TBC1D5: variants seen among roughly 807,000 people sequenced by gnomAD.
The protein encoded by TBC1D5 is TBC1 domain family, member 5.
Under a neutral mutation model 100.3 loss-of-function variants are expected in TBC1D5, and 75 were observed. That is an observed-to-expected ratio of 0.75 (90% confidence interval 0.62 to 0.91). TBC1D5 has a LOEUF of 0.91. Ranked by LOEUF, TBC1D5 falls within the 40% of genes least tolerant of loss-of-function variation. The pLI, the probability that TBC1D5 is intolerant of heterozygous loss-of-function variation, is 0.00. For synonymous variants in TBC1D5, 323 were observed against 325.6 expected (o/e 0.99, Z 0.09); for missense variants, 910 against 942.4 (o/e 0.97, Z 0.45).
chr3:17,738,857 A>G (rs1208058536), intron 1 of TBC1D5, among the ~76,000 whole-genome samples: 2 of 152,212 alleles, frequency 1.3e-5, no homozygotes, highest in Non-Finnish European at 2.9e-5. Flanking sequence ...CAATTTATAT[A>G]ATGTTTAATG....
intron 17 of TBC1D5, among the ~76,000 whole-genome samples, chr3:17,223,850 G>A (rs1306068417): frequency 1.3e-5 from 2 of 151,864 alleles, no homozygotes; most frequent in African/African-American, 2.4e-5. Flanking sequence ...AGCTGAGATC[G>A]CACCACTGCC....
chr3:17,161,352 G>C (rs1488245103), intron 21 of TBC1D5, 96 bp from the exon 23 acceptor site: 40 of 1,369,658 alleles, frequency 2.9e-5, no homozygotes, highest in Non-Finnish European at 3.6e-5. Context: ...GTGGTGGAAA[G>C]CTAGGCCACC....
intron 13 of TBC1D5, among the ~76,000 whole-genome samples, chr3:17,317,741 A>G (rs183393281): frequency 1.4e-4 from 21 of 152,336 alleles, no homozygotes; most frequent in African/African-American, 3.6e-4. Context: ...CCATGCATTT[A>G]TATCAATTTT....
intron 13 of TBC1D5, among the ~76,000 whole-genome samples, chr3:17,352,267 AACTT>A (rs2090697976): frequency 6.6e-6 from 1 of 152,068 alleles, no homozygotes; most frequent in Admixed American, 6.6e-5. Flanking sequence ...AGCTGAGAGA[AACTT>A]AGTCTTTAAA....
intron 3 of TBC1D5, among the ~76,000 whole-genome samples, chr3:17,475,375 C>T (rs1055651541): frequency 6.6e-6 from 1 of 151,914 alleles, no homozygotes; most frequent in Admixed American, 6.6e-5. Context: ...CCCACTCACC[C>T]CCTCCAAATT....
chr3:17,529,590 G>A (rs1576533820), intron 2 of TBC1D5, among the ~76,000 whole-genome samples: 1 of 152,098 alleles, frequency 6.6e-6, no homozygotes, highest in African/African-American at 2.4e-5. Flanking sequence ...CTGAATTCAT[G>A]AGGACAAGGA....
intron 18 of TBC1D5, among the ~76,000 whole-genome samples, chr3:17,211,620 G>A (rs908264601): frequency 6.6e-6 from 1 of 152,182 alleles, no homozygotes; most frequent in Non-Finnish European, 1.5e-5. Flanking sequence ...TACAATGTAA[G>A]TCAAGCTGCT....
At chr3:17,358,258 C>T (rs532507552) in intron 13 of TBC1D5, among the ~76,000 whole-genome samples, 99 of 152,216 alleles carry the variant, frequency 6.5e-4, no homozygotes, top group African/African-American at 2.3e-3. Context: ...GATCTCGGCT[C>T]ACCACAACCT....
At chr3:17,300,832 G>A (rs1425992581) in intron 14 of TBC1D5, among the ~76,000 whole-genome samples, 1 of 152,116 alleles carries the variant, frequency 6.6e-6, no homozygotes, top group East Asian at 1.9e-4. Flanking sequence ...AGCACTTCGG[G>A]AGGCTGAGGT....
At chr3:17,284,397 G>A (rs283921) in intron 15 of TBC1D5, among the ~76,000 whole-genome samples, 63,625 of 151,982 alleles carry the variant, frequency 0.42, 14,039 homozygotes, top group Middle Eastern at 0.5. Flanking sequence ...GATTACAGGC[G>A]TGAGCCACCA....
chr3:17,496,130 A>T (rs1447475528), intron 3 of TBC1D5, among the ~76,000 whole-genome samples: 2 of 152,178 alleles, frequency 1.3e-5, no homozygotes, highest in Non-Finnish European at 2.9e-5. Flanking sequence ...TTTCTTTTTT[A>T]AGGAGCCAAG....
intron 4 of TBC1D5, among the ~76,000 whole-genome samples, chr3:17,410,933 G>C (rs967128827): frequency 1.3e-5 from 2 of 152,194 alleles, no homozygotes; most frequent in African/African-American, 4.8e-5. Flanking sequence ...AGCAGCTGCA[G>C]GGTTTGAGAA....
intron 2 of TBC1D5, among the ~76,000 whole-genome samples, chr3:17,532,403 T>C (rs2153386458): frequency 6.6e-6 from 1 of 152,268 alleles, no homozygotes; most frequent in Middle Eastern, 3.4e-3. Flanking sequence ...GTAAACTAGT[T>C]CAACCATTGT....
chr3:17,183,121 A>T (rs951537779), intron 19 of TBC1D5, among the ~76,000 whole-genome samples: 3 of 152,134 alleles, frequency 2.0e-5, no homozygotes, highest in Non-Finnish European at 4.4e-5. Context: ...CCCCAACTGG[A>T]GAGTATCTCA....
intron 9 of TBC1D5, among the ~76,000 whole-genome samples, chr3:17,379,902 T>A (rs1224347530): frequency 6.6e-6 from 1 of 152,042 alleles, no homozygotes; most frequent in Non-Finnish European, 1.5e-5. Flanking sequence ...CAAAATATCT[T>A]ATTGTACCAT....
At chr3:17,275,261 G>A (rs1186463451) in intron 15 of TBC1D5, among the ~76,000 whole-genome samples, 1 of 152,178 alleles carries the variant, frequency 6.6e-6, no homozygotes, top group Non-Finnish European at 1.5e-5. Context: ...ATCTGGGTGG[G>A]CTGGGTATGG....
At chr3:17,215,054 A>G (rs928738597) in intron 17 of TBC1D5, among the ~76,000 whole-genome samples, 13 of 152,032 alleles carry the variant, frequency 8.6e-5, no homozygotes, top group African/African-American at 3.1e-4. Flanking sequence ...GGATCAGAAC[A>G]GGTAGGGATT....
intron 3 of TBC1D5, among the ~76,000 whole-genome samples, chr3:17,480,540 G>A (rs1021887110): frequency 2.6e-5 from 4 of 152,184 alleles, no homozygotes; most frequent in African/African-American, 9.7e-5. Flanking sequence ...TACCCACCTT[G>A]GGTCTCCTCA....
intron 17 of TBC1D5, among the ~76,000 whole-genome samples, chr3:17,215,832 T>A (rs2073570813): frequency 6.6e-6 from 1 of 152,150 alleles, no homozygotes; most frequent in African/African-American, 2.4e-5. Context: ...ACTAACATTC[T>A]CCAATCTTGG....
Sources: allele counts gnomAD v4.1 joint callset (sites outside exome capture counted in the v4.1 genomes callset), GRCh38; gene constraint gnomAD v4.1.1; transcripts MANE v1.5; gene names NCBI Gene and HGNC (gene_info 2026-07-23, HGNC 2026-07-21).